The following ATP8A2 variants were observed in gnomAD, a reference collection of about 807,000 sequenced individuals.
ATP8A2 encodes phospholipid-transporting ATPase IB.
ATP8A2 carries 100 observed loss-of-function variants against 165.6 expected under a neutral mutation model. That is an observed-to-expected ratio of 0.60 (90% CI 0.51 to 0.71). The LOEUF (loss-of-function observed/expected upper bound fraction) is 0.71, where lower values mean the gene tolerates loss of function less well. ATP8A2 is among the 30% of genes least tolerant of loss of function. The probability of loss-of-function intolerance (pLI) is 0.00; values close to 1 mark genes in which losing one functional copy is unlikely to be tolerated. For missense variants in ATP8A2, 1,227 were observed against 1,479.5 expected, an observed-to-expected ratio of 0.83 and a Z score of 2.80; for synonymous variants, 543 against 548.8, an observed-to-expected ratio of 0.99 and a Z score of 0.15.
At chr13:25,382,098 T>A (rs2032859242) in intron 1 of ATP8A2, among the ~76,000 whole-genome samples, 1 of 152,208 alleles carries the variant, frequency 6.6e-6, no homozygotes, top group African/African-American at 2.4e-5. Flanking sequence ...ATCCTTCCTC[T>A]CTAACCTCCG....
chr13:25,570,050 A>T (rs1264225359), intron 16 of ATP8A2, among the ~76,000 whole-genome samples: 2 of 152,216 alleles, frequency 1.3e-5, no homozygotes, highest in South Asian at 2.1e-4. Flanking sequence ...CCAATAAAAA[A>T]TTATATATTT....
intron 27 of ATP8A2, among the ~76,000 whole-genome samples, chr13:25,791,652 C>T (rs1457429384): frequency 6.6e-6 from 1 of 151,874 alleles, no homozygotes. Context: ...GGTTTCTCTC[C>T]TCCCAGAACA....
At chr13:25,930,177 C>G (rs1338933843) in intron 33 of ATP8A2, among the ~76,000 whole-genome samples, 1 of 152,028 alleles carries the variant, frequency 6.6e-6, no homozygotes, top group Admixed American at 6.5e-5. Flanking sequence ...CACGCTGACA[C>G]TCTCCCCTCA....
At chr13:25,994,851 T>C (rs1047965715) in intron 35 of ATP8A2, among the ~76,000 whole-genome samples, 1 of 152,118 alleles carries the variant, frequency 6.6e-6, no homozygotes, top group African/African-American at 2.4e-5. Context: ...GTAATGTCTT[T>C]GTATGGACTG....
chr13:25,413,745 G>A (rs936581051), intron 1 of ATP8A2, among the ~76,000 whole-genome samples: 2 of 152,154 alleles, frequency 1.3e-5, no homozygotes, highest in Non-Finnish European at 2.9e-5. Context: ...CCAAGGAGGT[G>A]CAGGACAAAG....
intron 18 of ATP8A2, among the ~76,000 whole-genome samples, chr13:25,572,618 G>A (rs925468279): frequency 6.6e-6 from 1 of 152,204 alleles, no homozygotes; most frequent in African/African-American, 2.4e-5. Flanking sequence ...AGGGGAAAAT[G>A]ATGGTTATGA....
intron 29 of ATP8A2, among the ~76,000 whole-genome samples, chr13:25,838,153 A>G (rs1444257009): frequency 1.3e-5 from 2 of 152,188 alleles, no homozygotes; most frequent in East Asian, 1.9e-4. Flanking sequence ...GGTGGCGGTC[A>G]TGATTTGCGT....
At chr13:25,474,181 G>A (rs1477948261) in intron 2 of ATP8A2, among the ~76,000 whole-genome samples, 3 of 142,638 alleles carry the variant, frequency 2.1e-5, no homozygotes, top group Admixed American at 7.2e-5. Flanking sequence ...CATTTCTTCA[G>A]GTTGGTTTGC....
chr13:25,651,533 C>G (rs2137632132), intron 24 of ATP8A2, among the ~76,000 whole-genome samples: 1 of 151,240 alleles, frequency 6.6e-6, no homozygotes, highest in Admixed American at 6.6e-5. Context: ...ATTAAATTTT[C>G]AAATTTATTG....
At position 25,814,879 on chromosome 13, in the gene ATP8A2, T is replaced by TA. The variant is rs1331554201; in HGVS notation, c.2680-13239_2680-13238insA. Reference sequence around the variant, plus strand: ...AAATAAAAATACAAAAATTAGCCAGTTGTAGTGGCGCATTCCTGTAGTCCC... The same window carrying TA: ...AAATAAAAATACAAAAATTAGCCAGTATGTAGTGGCGCATTCCTGTAGTCCC... On this transcript the variant is annotated intron_variant, in intron 27 of 36. Transcript: ENST00000381655. Among the ~76,000 whole-genome samples the TA allele has an allele frequency of 2.6e-5, 4 of 151,676 alleles. No homozygotes were observed. In the South Asian group the frequency reaches 8.3e-4, roughly 32 times the overall value.
At chr13:25,715,738 A>G (rs2043242535) in intron 25 of ATP8A2, among the ~76,000 whole-genome samples, 1 of 152,252 alleles carries the variant, frequency 6.6e-6, no homozygotes, top group Non-Finnish European at 1.5e-5. Context: ...CTTCTTGGCT[A>G]CTATGAATTA....
At chr13:25,912,029 G>T (rs576652940) in intron 33 of ATP8A2, among the ~76,000 whole-genome samples, 80 of 152,248 alleles carry the variant, frequency 5.3e-4, no homozygotes, top group African/African-American at 1.9e-3. Flanking sequence ...TTTACCCAAA[G>T]ATTTCAAATC....
chr13:25,637,261 G>A (rs1253111669), intron 24 of ATP8A2, among the ~76,000 whole-genome samples: 1 of 152,128 alleles, frequency 6.6e-6, no homozygotes, highest in Non-Finnish European at 1.5e-5. Flanking sequence ...GACAGTAGGT[G>A]CAGGACAGTG....
At position 25,769,160 on chromosome 13, in the gene ATP8A2, C is replaced by G. The variant is rs751085900; in HGVS notation, c.2499C>G (p.His833Gln). Residue 833 changes from histidine (H) to glutamine (Q), a missense_variant, in exon 26 of 37, where the codon CAC becomes CAG. This residue lies in a region of ATP8A2 where 592 missense variants were observed against 785.6 expected (regional missense o/e 0.75). Transcript: ENST00000381655. ...ATGTCGGGATGATCCAGACAGCCCA[C>G]GTGGGTGTGGGAATCAGTGGGAATG... ...ANDVGMIQTA[H>Q]VGVGISGNEG... The G allele has an allele frequency of 1.9e-6, 3 of 1,613,944 alleles. No individual in the cohort carries two copies. Among genetic ancestry groups the G allele is most frequent in the Non-Finnish European group, 1.7e-6 (2 of 1,179,952 alleles).
At chr13:25,900,478 G>A (rs306418) in intron 33 of ATP8A2, among the ~76,000 whole-genome samples, 1,624 of 152,250 alleles carry the variant, frequency 0.011, 28 homozygotes, top group African/African-American at 0.037. Flanking sequence ...AGTGAAGAGG[G>A]AGGGGCATCT....
intron 4 of ATP8A2, among the ~76,000 whole-genome samples, chr13:25,531,173 TG>T (rs1420860579): frequency 9.4e-5 from 13 of 138,292 alleles, no homozygotes; most frequent in Admixed American, 1.5e-4. Flanking sequence ...ATATGTTATA[TG>T]ATATATATAT....
rs1360739387 is a variant in ATP8A2 at position 25,860,274 on chromosome 13, T to G, written c.3018+18T>G. 2 of 1,574,632 alleles carry G rather than the reference T, an allele frequency of 1.3e-6. No individual in the cohort carries two copies. The highest frequency in any genetic ancestry group is 2.7e-5 in the African/African-American group (2 of 74,216). On this transcript the variant is annotated intron_variant, in intron 31 of 36. Transcript: ENST00000381655. The stretch of plus-strand genomic sequence containing the variant: ...TTTACACAGTAAGTTTATCTCTGTT[T>G]ATTAAGCCATTCTTAAACAGCTTAT...
Position 26,012,543 on chromosome 13 carries a change from C to T in ATP8A2, c.3390C>T (p.Arg1130=). Residue 1130 remains arginine, a synonymous_variant, in exon 36 of 37, where the codon CGC becomes CGT. Transcript: ENST00000381655. ...GCTTTATCCGCAGGCTGAACGAGCG[C>T]GACCGCCTGATCAAGAGGCTGGGCC... is the stretch of plus-strand genomic sequence containing the variant. ...RDSNGKRLNE[R]DRLIKRLGRK... 6.5e-7 allele frequency: 1 copy of T among 1,539,420 alleles called. No homozygotes were observed. The highest frequency in any genetic ancestry group is 8.8e-7 in the Non-Finnish European group (1 of 1,141,878).
intron 16 of ATP8A2, among the ~76,000 whole-genome samples, chr13:25,570,034 C>T (rs1041497510): frequency 5.9e-5 from 9 of 152,072 alleles, no homozygotes; most frequent in African/African-American, 2.2e-4. Context: ...TGAATGTGCT[C>T]TAATCCCAAT....
Sources: allele counts gnomAD v4.1 joint callset (sites outside exome capture counted in the v4.1 genomes callset), GRCh38; gene constraint gnomAD v4.1.1; regional missense constraint gnomAD v4.1.1; transcripts MANE v1.5; gene names NCBI Gene and HGNC (gene_info 2026-07-23, HGNC 2026-07-21).